The following RPTOR variants were observed in gnomAD, a reference collection of about 807,000 sequenced individuals.
RPTOR encodes the protein regulatory-associated protein of mTOR.
RPTOR carries 21 observed loss-of-function variants against 169.9 expected under a neutral mutation model. The observed-to-expected ratio is 0.12, with a 90% CI of 0.09 to 0.18. RPTOR has a LOEUF of 0.18. Among genes scored for constraint, RPTOR ranks in the 10% least tolerant of loss-of-function variants. The pLI is 1.00. For synonymous variants in RPTOR, 732 were observed against 753.2 expected (o/e 0.97, Z 0.46); for missense variants, 1,133 against 1,855.9 (o/e 0.61, Z 7.16).
intron 1 of RPTOR, among the ~76,000 whole-genome samples, chr17:80,620,765 C>CA (rs1304802604): frequency 6.6e-6 from 1 of 152,108 alleles, no homozygotes; most frequent in Non-Finnish European, 1.5e-5. Flanking sequence ...GAGTCTGTTT[C>CA]AAAAAACAAA....
In RPTOR at chr17:80,964,161, G is replaced by A. The variant is rs571269468; in HGVS notation, c.3940-101G>A. 1.1e-4 allele frequency: 111 copies of A among 1,033,238 alleles called. No homozygotes were observed. The African/African-American group carries it at 1.3e-3, about 12-fold the overall frequency. The allele number at this position is 1,033,238 out of a possible 1,614,324, so 64.0% of individuals were successfully genotyped here. A position where few individuals can be genotyped will look rare whatever the true frequency, so the allele number is the denominator to read the frequency against. ...TGGGCGTGGGGGTTCCTGAGACCCC[G>A]GCAGGAGCTGCCTAAGGATGCGGGT... On this transcript the variant is annotated intron_variant, in intron 33 of 33. Transcript: ENST00000306801.
Position 80,908,905 on chromosome 17 carries a change from A to G in RPTOR, c.2496A>G (p.Lys832=). ...PYPEVSDVAM[K]VLNSIAYKAT... is the part of the protein sequence containing the mutation. Reference sequence around the variant, plus strand: ...CAGAGGTCTCGGACGTGGCCATGAAAGTACTCAACAGCATCGCCTACAAGG... The same window carrying G: ...CAGAGGTCTCGGACGTGGCCATGAAGGTACTCAACAGCATCGCCTACAAGG... Residue 832 remains lysine, a synonymous_variant, in exon 21 of 34, where the codon AAA becomes AAG. Coordinates refer to ENST00000306801, the MANE Select transcript of RPTOR (RefSeq NM_020761.3). 4 of 1,613,848 alleles carry G rather than the reference A, an allele frequency of 2.5e-6. No homozygotes were observed. Among genetic ancestry groups the G allele is most frequent in the Non-Finnish European group, 3.4e-6 (4 of 1,179,784 alleles).
intron 4 of RPTOR, among the ~76,000 whole-genome samples, chr17:80,716,495 A>G (rs1423468073): frequency 2.0e-5 from 3 of 150,298 alleles, no homozygotes; most frequent in Non-Finnish European, 4.5e-5. Context: ...TAGATTGTTA[A>G]GATTTTCTCT....
chr17:80,783,995 A>C (rs1012002254), intron 6 of RPTOR, among the ~76,000 whole-genome samples: 1 of 151,816 alleles, frequency 6.6e-6, no homozygotes, highest in Admixed American at 6.6e-5. Context: ...CTTTTTTTTT[A>C]AGGCAAAGGA....
rs1420538772 is a variant in RPTOR at position 80,861,939 on chromosome 17, G to A, written c.1509+4039G>A. 3.9e-5 allele frequency among the ~76,000 whole-genome samples: 6 copies of A among 152,132 alleles called. No homozygotes were observed. Among genetic ancestry groups the A allele is most frequent in the South Asian group, 2.1e-4 (1 of 4,824 alleles). On this transcript the variant is annotated intron_variant, in intron 13 of 33. Transcript: ENST00000306801. This position sits in a 1 kb window ranked among gnomAD's most constrained non-coding sequence, Gnocchi z 4.5. ...CCATCATGGTATTGCAGTGCAGGGC[G>A]TCTTGTTTAAAACTGGCTCTTGGTC...
At position 80,878,955 on chromosome 17, in the gene RPTOR, C is replaced by T. The variant is rs538195006; in HGVS notation, c.1510-1460C>T. ...TCGGAAGCCCCTTCCTCTAGGGGCC[C>T]GTCCCTCCTCCTTCCCCAGGCCCCG... On this transcript the variant is annotated intron_variant, in intron 13 of 33. Coordinates refer to ENST00000306801, the MANE Select transcript of RPTOR (RefSeq NM_020761.3). The surrounding 1 kb of genome is among the most constrained non-coding windows in gnomAD (Gnocchi z 4.1). 4.1e-4 allele frequency among the ~76,000 whole-genome samples: 62 copies of T among 152,220 alleles called. No homozygotes were observed. Among genetic ancestry groups the T allele is most frequent in the African/African-American group, 1.4e-3 (59 of 41,552 alleles).
At chr17:80,836,435 A>T (rs1490930979) in intron 9 of RPTOR, among the ~76,000 whole-genome samples, 4 of 152,182 alleles carry the variant, frequency 2.6e-5, no homozygotes, top group Admixed American at 2.6e-4. Flanking sequence ...TCTGTAATTC[A>T]GCGTGTGGCT....
intron 5 of RPTOR, among the ~76,000 whole-genome samples, chr17:80,737,958 C>G (rs1297657589): frequency 6.6e-6 from 1 of 152,066 alleles, no homozygotes; most frequent in African/African-American, 2.4e-5. Flanking sequence ...TTGGAATCCA[C>G]AGAACGGCCA....
At chr17:80,723,115 T>A (rs2066301133) in intron 4 of RPTOR, among the ~76,000 whole-genome samples, 1 of 151,130 alleles carries the variant, frequency 6.6e-6, no homozygotes. Flanking sequence ...GGTTTGGGGG[T>A]GCGTGGTGTG....
intron 24 of RPTOR, among the ~76,000 whole-genome samples, chr17:80,929,326 G>T (rs1010552935): frequency 1.3e-5 from 2 of 152,236 alleles, no homozygotes; most frequent in Admixed American, 6.5e-5. Context: ...TACACAGCAG[G>T]CTGGCCACAC....
chr17:80,720,663 C>T (rs1189507876), intron 4 of RPTOR, among the ~76,000 whole-genome samples: 3 of 152,230 alleles, frequency 2.0e-5, no homozygotes, highest in Non-Finnish European at 4.4e-5. Context: ...GCACTGACTT[C>T]GCGGGTGCCC....
At chr17:80,585,195 TATTATTA>T (rs1223774944) in intron 1 of RPTOR, among the ~76,000 whole-genome samples, 49 of 147,986 alleles carry the variant, frequency 3.3e-4, no homozygotes, top group African/African-American at 1.1e-3. Context: ...TTATTATTAT[TATTATTA>T]TTTTTGTTTT....
chr17:80,600,875 G>GCAGTGTAACTGTGAAACGCCTCC (rs2065180409), intron 1 of RPTOR, among the ~76,000 whole-genome samples: 3 of 83,272 alleles, frequency 3.6e-5, no homozygotes, highest in African/African-American at 1.3e-4. Flanking sequence ...TGCCCTCTCT[G>GCAGTGTAACTGTGAAACGCCTCC]CAGTGTAACT....
At chr17:80,719,445 T>C (rs1007484256) in intron 4 of RPTOR, among the ~76,000 whole-genome samples, 5 of 152,184 alleles carry the variant, frequency 3.3e-5, no homozygotes, top group Non-Finnish European at 1.5e-5. Flanking sequence ...GAACTCAGAA[T>C]GTGAATCAGA....
At chr17:80,884,966 G>T (rs2143843852) in intron 16 of RPTOR, 42 bp from the exon 17 acceptor site, 2 of 1,586,568 alleles carry the variant, frequency 1.3e-6, no homozygotes, top group Non-Finnish European at 1.7e-6. Context: ...CTGCAGCATG[G>T]CCCGGTGTGG....
chr17:80,930,364 C>CCTCAG (rs2068873519), intron 24 of RPTOR, among the ~76,000 whole-genome samples: 6 of 55,314 alleles, frequency 1.1e-4, no homozygotes, highest in South Asian at 5.4e-4. Flanking sequence ...CCCAGCTCAT[C>CCTCAG]CTCAGCTCAT....
intron 1 of RPTOR, among the ~76,000 whole-genome samples, chr17:80,557,722 T>C (rs1362918717): frequency 2.6e-5 from 4 of 150,956 alleles, no homozygotes; most frequent in Non-Finnish European, 5.9e-5. Context: ...GTCAGGAGTT[T>C]GAGACCAGCC....
At chr17:80,888,478 C>A (rs1167886713) in intron 17 of RPTOR, among the ~76,000 whole-genome samples, 3 of 152,200 alleles carry the variant, frequency 2.0e-5, no homozygotes, top group Non-Finnish European at 4.4e-5. Context: ...CAAATATTAG[C>A]CAGTGCTGTG....
intron 1 of RPTOR, among the ~76,000 whole-genome samples, chr17:80,549,156 A>T (rs1296479568): frequency 6.6e-6 from 1 of 152,120 alleles, no homozygotes; most frequent in African/African-American, 2.4e-5. Flanking sequence ...CACTTTTACC[A>T]CATTTTAATT....
Sources: allele counts gnomAD v4.1 joint callset (sites outside exome capture counted in the v4.1 genomes callset), GRCh38; gene constraint gnomAD v4.1.1; non-coding constraint Gnocchi (gnomAD v3.1); transcripts MANE v1.5; gene names NCBI Gene and HGNC (gene_info 2026-07-23, HGNC 2026-07-21).